The following VSIG2 variants were observed in gnomAD, a reference collection of about 807,000 sequenced individuals.
The protein encoded by VSIG2 is V-set and immunoglobulin domain containing 2.
VSIG2 carries 30 observed loss-of-function variants against 29.4 expected under a neutral mutation model. The ratio of observed to expected loss-of-function variants is 1.02; its 90% CI spans 0.76 to 1.38. VSIG2 has a LOEUF of 1.38. Among genes scored for constraint, VSIG2 ranks in the 40% most tolerant of loss-of-function variants. The pLI is 0.00. For synonymous variants in VSIG2, 178 were observed against 174.2 expected (o/e 1.02, Z -0.17); for missense variants, 421 against 400.8 (o/e 1.05, Z -0.43).
At position 124,749,870 on chromosome 11, in the gene VSIG2, CAAAAAAA is replaced by C. The variant is rs757471583; in HGVS notation, c.428-11_428-5del. 1.9e-4 allele frequency: 149 copies of C among 780,832 alleles called. No individual in the cohort carries two copies. The highest frequency in any genetic ancestry group is 5.1e-4 in the Middle Eastern group (1 of 1,968). 48.4% of individuals were successfully genotyped at this position (780,832 alleles called of 1,614,324 possible). A position where few individuals can be genotyped will look rare whatever the true frequency, so the allele number is the denominator to read the frequency against. On this transcript the variant is annotated splice_polypyrimidine_tract_variant and splice_region_variant and intron_variant, in intron 3 of 6. Coordinates refer to ENST00000326621, the MANE Select transcript of VSIG2 (RefSeq NM_014312.5). ...CATAAGGGATTACTGGGGGGAACTG[CAAAAAAA>C]AAAAAAAAAAAAAAAAAACAGAAAG...
chr11:124,751,358 T>C lies in VSIG2; in HGVS notation c.219+65A>G, dbSNP rs945438156. On this transcript the variant is annotated intron_variant, in intron 2 of 6. Transcript: ENST00000326621. ...CCCCAAACTCCCCCTCCCGACCCCA[T>C]GCCCTCATCCTGGGCTCCTGTCCCT... The C allele has an allele frequency of 6.9e-6, 11 of 1,593,402 alleles. No individual in the cohort carries two copies. The African/African-American group carries it at 1.2e-4, about 17-fold the overall frequency.
chr11:124,751,505 G>C lies in VSIG2; in HGVS notation c.137C>G (p.Thr46Ser). Residue 46 changes from threonine (T) to serine (S), a missense_variant, in exon 2 of 7, where the codon ACC (threonine) becomes AGC (serine). Thr to Ser is a moderately conservative substitution (Grantham distance 58). Transcript: ENST00000326621. ...GCTGTCTCCCACCGACGTGCTGTAG[G>C]TGCAGGTCAGCTCGGCTGTCTTCCC... ...PLGKTAELTC[T>S]YSTSVGDSFA... 1 of 1,612,926 alleles carries C rather than the reference G, an allele frequency of 6.2e-7. No homozygotes were observed. The highest frequency in any genetic ancestry group is 1.3e-5 in the African/African-American group (1 of 75,054).
In VSIG2 at chr11:124,747,668, C is replaced by T; in HGVS notation, c.852-1G>A. 1 of 1,613,592 alleles carries T rather than the reference C, an allele frequency of 6.2e-7. No homozygotes were observed. The highest frequency in any genetic ancestry group is 8.5e-7 in the Non-Finnish European group (1 of 1,179,772). The stretch of plus-strand genomic sequence containing the variant: ...GATCCCAGGAGCGATGGCATCCTCC[C>T]TGATGGGTATAGGCAAGTTCTGAGT... On this transcript the variant is annotated splice_acceptor_variant, in intron 6 of 6. Coordinates refer to ENST00000326621, the MANE Select transcript of VSIG2 (RefSeq NM_014312.5). LOFTEE classifies it high-confidence loss of function.
chr11:124,749,877 A>AAAAAAAAAC lies in VSIG2; in HGVS notation c.428-12_428-11insGTTTTTTTT. On this transcript the variant is annotated splice_polypyrimidine_tract_variant and intron_variant, in intron 3 of 6. Transcript: ENST00000326621. Reference sequence around the variant, plus strand: ...GATTACTGGGGGGAACTGCAAAAAAAAAAAAAAAAAAAAAAAAACAGAAAG... The same window carrying AAAAAAAAAC: ...GATTACTGGGGGGAACTGCAAAAAAAAAAAAAAACAAAAAAAAAAAAAAAAAACAGAAAG... 6.7e-7 allele frequency: 1 copy of AAAAAAAAAC among 1,488,686 alleles called. No individual in the cohort carries two copies. The allele number at this position is 1,488,686 out of a possible 1,614,324, so 92.2% of individuals were successfully genotyped here. A position where few individuals can be genotyped will look rare whatever the true frequency, so the allele number is the denominator to read the frequency against.
At chr11:124,751,337 A>C in intron 2 of VSIG2, 86 bp downstream of exon 2, 1 of 1,550,822 alleles carries the variant, frequency 6.4e-7, no homozygotes, top group Non-Finnish European at 8.7e-7. Flanking sequence ...ACTGATCCCC[A>C]AACTCCCCCT....
At position 124,751,697 on chromosome 11, in the gene VSIG2, C is replaced by T; in HGVS notation, c.62-117G>A. On this transcript the variant is annotated intron_variant, in intron 1 of 6. Coordinates refer to ENST00000326621, the MANE Select transcript of VSIG2 (RefSeq NM_014312.5). The stretch of plus-strand genomic sequence containing the variant: ...GGCTCCCTCCCCAGAGCACAACCCT[C>T]TCCCCTCAATCCAACCCCTCCCTTC... 6.8e-6 allele frequency: 8 copies of T among 1,174,192 alleles called. No homozygotes were observed. In the South Asian group the frequency reaches 1.1e-4, roughly 17 times the overall value. 72.7% of individuals were successfully genotyped at this position (1,174,192 alleles called of 1,614,324 possible).
chr11:124,749,580 G>A (rs1021088820), intron 4 of VSIG2, 128 bp downstream of exon 4: 20 of 1,291,036 alleles, frequency 1.5e-5, no homozygotes, highest in East Asian at 4.8e-5. Context: ...CCAAGGAAGA[G>A]ACAGGGAAAG....
Position 124,748,504 on chromosome 11 carries a change from A to G in VSIG2, c.737T>C (p.Leu246Pro). The change falls in exon 6 of 7, where the codon CTG (leucine) becomes CCG (proline). Residue 246 changes from leucine (L) to proline (P), a missense_variant. Leu to Pro is a moderately conservative substitution (Grantham distance 98, BLOSUM62 -3). Transcript: ENST00000326621. ...EPSQGRVAGA[L>P]IGVLLGVLLL... ...CAGCACGCCCAGGAGCACCCCAATC[A>G]GAGCTCCGGCCACTCGGCCTTGGGA... 6.2e-7 allele frequency: 1 copy of G among 1,614,140 alleles called. No individual in the cohort carries two copies. The highest frequency in any genetic ancestry group is 8.5e-7 in the Non-Finnish European group (1 of 1,180,016).
chr11:124,748,892 G>A, intron 4 of VSIG2, 129 bp from the exon 5 acceptor site: 2 of 1,349,802 alleles, frequency 1.5e-6, no homozygotes, highest in Non-Finnish European at 2.1e-6. Context: ...CACTGGGGAG[G>A]AAACCGGTTC....
chr11:124,750,579 G>A (rs1944073060), intron 3 of VSIG2, 135 bp downstream of exon 3: 2 of 820,476 alleles, frequency 2.4e-6, no homozygotes, highest in Non-Finnish European at 3.8e-6. Context: ...TGGAAAGGGA[G>A]TATTTTCACT....
chr11:124,747,654 C>T lies in VSIG2; in HGVS notation c.865G>A (p.Ala289Thr). ...CAAGTGTGCTCAGAGATCCCAGGAG[C>T]GATGGCATCCTCCCTGATGGGTATA... ...GGSDLREDAI[A>T]PGISEHTCMR... Residue 289 changes from alanine (A) to threonine (T), a missense_variant, in exon 7 of 7, where the codon GCT (alanine) becomes ACT (threonine). Coordinates refer to ENST00000326621, the MANE Select transcript of VSIG2 (RefSeq NM_014312.5). The T allele has an allele frequency of 1.2e-6, 2 of 1,613,498 alleles. No individual in the cohort carries two copies. Among genetic ancestry groups the T allele is most frequent in the South Asian group, 1.1e-5 (1 of 90,978 alleles).
rs752252182 is a variant in VSIG2, at chr11:124,752,098, G to C, written c.40C>G (p.Leu14Val). 50 of 1,606,610 alleles carry C rather than the reference G, an allele frequency of 3.1e-5. No homozygotes were observed. The highest frequency in any genetic ancestry group is 4.2e-5 in the Non-Finnish European group (50 of 1,178,806). ...LPGPFLCGAL[L>V]GFLCLSGLAV... is the part of the protein sequence containing the mutation. Reference sequence around the variant, plus strand: ...TCACCACTCAGGCACAGGAAGCCTAGCAGGGCCCCGCAGAGAAAGGGCCCC... The same window carrying C: ...TCACCACTCAGGCACAGGAAGCCTACCAGGGCCCCGCAGAGAAAGGGCCCC... Residue 14 changes from leucine (L) to valine (V), a missense_variant, in exon 1 of 7, where the codon CTA (leucine) becomes GTA (valine). Leu to Val is a conservative substitution (Grantham distance 32, BLOSUM62 1). Transcript: ENST00000326621.
intron 2 of VSIG2, among the ~76,000 whole-genome samples, chr11:124,751,122 T>C (rs942571296): frequency 4.5e-5 from 4 of 89,112 alleles, no homozygotes; most frequent in African/African-American, 3.1e-4. Context: ...GATCCATTGG[T>C]CTCTCTCTCT....
intron 6 of VSIG2, 45 bp downstream of exon 6, chr11:124,748,345 G>A (rs1416105904): frequency 1.3e-6 from 2 of 1,556,822 alleles, no homozygotes; most frequent in East Asian, 2.2e-5. Flanking sequence ...TTTAACTCAA[G>A]CCCTTTCCTC....
intron 2 of VSIG2, 115 bp from the exon 3 acceptor site, chr11:124,751,036 C>G (rs1944079337): frequency 9.0e-7 from 1 of 1,107,956 alleles, no homozygotes; most frequent in Non-Finnish European, 1.3e-6. Context: ...GCCAGGGAGG[C>G]TGATACCCTT....
In VSIG2 at chr11:124,749,869, G is replaced by GAAA; in HGVS notation, c.428-4_428-3insTTT. ...GCATAAGGGATTACTGGGGGGAACT[G>GAAA]CAAAAAAAAAAAAAAAAAAAAAAAA... On this transcript the variant is annotated splice_polypyrimidine_tract_variant and splice_region_variant and intron_variant, in intron 3 of 6. Transcript: ENST00000326621. The GAAA allele has an allele frequency of 5.4e-6, 3 of 559,088 alleles. No individual in the cohort carries two copies. The highest frequency in any genetic ancestry group is 6.7e-6 in the Non-Finnish European group (3 of 448,838). 34.6% of individuals were successfully genotyped at this position (559,088 alleles called of 1,614,324 possible). A position where few individuals can be genotyped will look rare whatever the true frequency, so the allele number is the denominator to read the frequency against.
chr11:124,748,831 A>G lies in VSIG2; in HGVS notation c.587-68T>C. On this transcript the variant is annotated intron_variant, in intron 4 of 6. Coordinates refer to ENST00000326621, the MANE Select transcript of VSIG2 (RefSeq NM_014312.5). ...GTGAGCAGCTCTACGAGGACAGCAC[A>G]TTTCATGTCATCCTTATAACAATCC... 3 of 1,610,236 alleles carry G rather than the reference A, an allele frequency of 1.9e-6. No homozygotes were observed. In the East Asian group the frequency reaches 6.7e-5, roughly 36 times the overall value.
Position 124,750,919 on chromosome 11 carries a change from G to T in VSIG2, c.222C>A (p.Ile74=). ...PGKPISESHP[I]LYFTNGHLYP... ...ACAGATGGCCATTGGTGAAGTACAG[G>T]ATCTGGGGAGAGGCAGAAGACACAC... Residue 74 remains isoleucine, a splice_region_variant and synonymous_variant, in exon 3 of 7, where the codon ATC becomes ATA. Coordinates refer to ENST00000326621, the MANE Select transcript of VSIG2 (RefSeq NM_014312.5). The T allele has an allele frequency of 3.1e-6, 5 of 1,613,972 alleles. No homozygotes were observed. Among genetic ancestry groups the T allele is most frequent in the Non-Finnish European group, 4.2e-6 (5 of 1,179,932 alleles).
chr11:124,748,681 C>A lies in VSIG2; in HGVS notation c.669G>T (p.Met223Ile), dbSNP rs774205886. Residue 223 changes from methionine to isoleucine, a missense_variant, in exon 5 of 7, where the codon ATG becomes ATT. By Grantham distance (10) the Met-to-Ile change is conservative. Coordinates refer to ENST00000326621, the MANE Select transcript of VSIG2 (RefSeq NM_014312.5). ...GTYRCVATNQ[M>I]GSASCELTLS... is the part of the protein sequence containing the mutation. ...GGGTCAGCTCACAGGATGCACTGCC[C>A]ATCTGGTTGGTGGCCACACAGCGGT... is the stretch of plus-strand genomic sequence containing the variant. 1.9e-6 allele frequency: 3 copies of A among 1,613,882 alleles called. No homozygotes were observed. Among genetic ancestry groups the A allele is most frequent in the African/African-American group, 2.7e-5 (2 of 74,898 alleles).
Sources: gnomAD v4.1 joint callset for allele counts (sites outside exome capture counted in the v4.1 genomes callset) on GRCh38, gnomAD v4.1.1 for gene constraint, MANE v1.5 for transcripts, NCBI Gene and HGNC (gene_info 2026-07-23, HGNC 2026-07-21) for gene names.